Variants in KIF13A observed in about 807,000 individuals in gnomAD.
The protein encoded by KIF13A is kinesin-like protein KIF13A.
A neutral mutation model predicts 212.2 loss-of-function variants in KIF13A; 79 were observed. That is an observed-to-expected ratio of 0.37 (90% CI 0.31 to 0.45). The LOEUF is 0.45. Among genes scored for constraint, KIF13A ranks in the 20% least tolerant of loss-of-function variants. The pLI is 1.00. For synonymous variants in KIF13A, 789 were observed against 808.6 expected, an observed-to-expected ratio of 0.98 and a Z score of 0.41; for missense variants, 1,901 against 2,209.0, an observed-to-expected ratio of 0.86 and a Z score of 2.79.
At chr6:17,879,433 C>CA (rs1770862122) in intron 3 of KIF13A, among the ~76,000 whole-genome samples, 1 of 152,150 alleles carries the variant, frequency 6.6e-6, no homozygotes, top group Non-Finnish European at 1.5e-5. Flanking sequence ...AGCAGAGGTT[C>CA]AAGCTGCAGG....
chr6:17,839,258 T>C lies in KIF13A; in HGVS notation c.831-1675A>G, dbSNP rs1766279145. ...TACCCCATACATTTATCCACAAAAA[T>C]GTACATCATACTTGACAGATTTAAA... On this transcript the variant is annotated intron_variant, in intron 9 of 38. Transcript: ENST00000259711. This position sits in a 1 kb window ranked among gnomAD's most constrained non-coding sequence, Gnocchi z 4.3. Among the ~76,000 whole-genome samples the C allele has an allele frequency of 6.6e-6, 1 of 152,240 alleles. No individual in the cohort carries two copies. Among genetic ancestry groups the C allele is most frequent in the African/African-American group, 2.4e-5 (1 of 41,462 alleles).
intron 17 of KIF13A, among the ~76,000 whole-genome samples, chr6:17,815,182 A>C (rs1763812468): frequency 6.6e-6 from 1 of 152,210 alleles, no homozygotes; most frequent in Admixed American, 6.5e-5. Flanking sequence ...ATGTATTTCA[A>C]AGACTTTAAG....
chr6:17,874,999 G>GCGCGCGCACACACACACACACACA (rs913365480), intron 3 of KIF13A, among the ~76,000 whole-genome samples: 1 of 120,266 alleles, frequency 8.3e-6, no homozygotes, highest in African/African-American at 3.1e-5. Context: ...ACACGCACAC[G>GCGCGCGCACACACACACACACACA]CACGCACACA....
Position 17,794,820 on chromosome 6 carries a change from C to A in KIF13A, c.2943-116G>T. 9.2e-7 allele frequency: 1 copy of A among 1,086,280 alleles called. No homozygotes were observed. Among genetic ancestry groups the A allele is most frequent in the Non-Finnish European group, 1.3e-6 (1 of 770,214 alleles). 67.3% of individuals were successfully genotyped at this position (1,086,280 alleles called of 1,614,324 possible). On this transcript the variant is annotated intron_variant, in intron 23 of 38. Coordinates refer to ENST00000259711, the MANE Select transcript of KIF13A (RefSeq NM_022113.6). The surrounding 1 kb of genome is among the most constrained non-coding windows in gnomAD (Gnocchi z 4.1). ...ATGTGCTAGGCACTGTGCCATTTAT[C>A]TTGTATAAGTTACTTCCTTATTTAA...
At chr6:17,976,413 C>T (rs940693432) in intron 2 of KIF13A, among the ~76,000 whole-genome samples, 11 of 152,322 alleles carry the variant, frequency 7.2e-5, no homozygotes, top group East Asian at 1.9e-4. Flanking sequence ...GTACACCCTC[C>T]GCAGCCGCTG....
intron 17 of KIF13A, among the ~76,000 whole-genome samples, chr6:17,815,308 C>T (rs990978805): frequency 7.7e-5 from 9 of 116,324 alleles, no homozygotes; most frequent in Non-Finnish European, 1.7e-4. Context: ...GGAGACAGGC[C>T]TCTGGATGGC....
intron 2 of KIF13A, among the ~76,000 whole-genome samples, chr6:17,943,119 T>C (rs1777092684): frequency 6.6e-6 from 1 of 152,228 alleles, no homozygotes. Context: ...CTGCAATCTT[T>C]AGACTGACAC....
At chr6:17,933,808 C>G (rs1394191272) in intron 2 of KIF13A, among the ~76,000 whole-genome samples, 1 of 152,104 alleles carries the variant, frequency 6.6e-6, no homozygotes. Context: ...ATTAGAAATG[C>G]CTTTCTTCTA....
chr6:17,922,603 A>C (rs1314904159), intron 2 of KIF13A, among the ~76,000 whole-genome samples: 1 of 67,102 alleles, frequency 1.5e-5, no homozygotes, highest in African/African-American at 6.6e-5. Flanking sequence ...GTTAAATGAA[A>C]AACTTAAAAA....
chr6:17,907,909 G>C (rs1773668210), intron 2 of KIF13A, among the ~76,000 whole-genome samples: 1 of 152,152 alleles, frequency 6.6e-6, no homozygotes. Flanking sequence ...GACATGGCCA[G>C]ATCTGTTTTA....
In KIF13A at chr6:17,857,486, C is replaced by T. The variant is rs574785409; in HGVS notation, c.221-1364G>A. Among the ~76,000 whole-genome samples the T allele has an allele frequency of 1.7e-4, 26 of 152,304 alleles. No homozygotes were observed. The South Asian group carries it at 3.9e-3, about 23-fold the overall frequency. On this transcript the variant is annotated intron_variant, in intron 4 of 38. Transcript: ENST00000259711. ...TGCCTTCCTTCCCCTTCACCTTCCACCATGATTCTAAGTTTCCCGAGGCCT... is the reference window on the plus strand; with the variant it reads ...TGCCTTCCTTCCCCTTCACCTTCCATCATGATTCTAAGTTTCCCGAGGCCT...
chr6:17,985,106 T>C (rs893259334), intron 2 of KIF13A, among the ~76,000 whole-genome samples: 3 of 152,258 alleles, frequency 2.0e-5, no homozygotes, highest in African/African-American at 7.2e-5. Context: ...TCAGTTTGTC[T>C]GTAAATGAAA....
rs1407229765 is a variant in KIF13A, at chr6:17,771,499, A to G, written c.4477-281T>C. ...CCCAGTGCCTTGGGAGGCTGGGGCA[A>G]AAGAATCACTTGAGGCCAGGAGTTT... is the stretch of plus-strand genomic sequence containing the variant. On this transcript the variant is annotated intron_variant, in intron 37 of 38. Coordinates refer to ENST00000259711, the MANE Select transcript of KIF13A (RefSeq NM_022113.6). The surrounding 1 kb of genome is among the most constrained non-coding windows in gnomAD (Gnocchi z 5.4). The G allele has an allele frequency of 9.5e-6, 4 of 422,406 alleles. No individual in the cohort carries two copies. Among genetic ancestry groups the G allele is most frequent in the Non-Finnish European group, 1.7e-5 (4 of 237,202 alleles). 26.2% of individuals were successfully genotyped at this position (422,406 alleles called of 1,614,324 possible).
Position 17,849,519 on chromosome 6 carries a change from A to G in KIF13A, c.718-30T>C. 1.3e-6 allele frequency: 2 copies of G among 1,535,422 alleles called. No homozygotes were observed. Among genetic ancestry groups the G allele is most frequent in the Non-Finnish European group, 1.8e-6 (2 of 1,114,364 alleles). On this transcript the variant is annotated intron_variant, in intron 8 of 38. Coordinates refer to ENST00000259711, the MANE Select transcript of KIF13A (RefSeq NM_022113.6). This position sits in a 1 kb window ranked among gnomAD's most constrained non-coding sequence, Gnocchi z 5.7. ...TTATAGGAAACGAGAGAGAGAAGAA[A>G]AACTTATCAATAAAAACCACATGGA...
At chr6:17,814,309 C>T (rs1337871725) in intron 17 of KIF13A, among the ~76,000 whole-genome samples, 1 of 138,118 alleles carries the variant, frequency 7.2e-6, no homozygotes, top group South Asian at 2.4e-4. Context: ...AGTGCAGTGG[C>T]GTGATCTCAG....
chr6:17,767,211 A>G (rs1489253871), intron 38 of KIF13A, among the ~76,000 whole-genome samples: 2 of 151,914 alleles, frequency 1.3e-5, no homozygotes, highest in Admixed American at 6.6e-5. Context: ...GCCTTTGCCT[A>G]TATTTTCTAG....
Position 17,794,485 on chromosome 6 carries a change from A to G in KIF13A, c.3075+87T>C. 6.4e-7 allele frequency: 1 copy of G among 1,559,140 alleles called. No individual in the cohort carries two copies. The highest frequency in any genetic ancestry group is 1.2e-5 in the South Asian group (1 of 83,818). ...GGGAAAAGGATTAGAGAATAAAGAT[A>G]CAAATAGTTAGAAAATCCCCAGAAA... On this transcript the variant is annotated intron_variant, in intron 24 of 38. Coordinates refer to ENST00000259711, the MANE Select transcript of KIF13A (RefSeq NM_022113.6). This position sits in a 1 kb window ranked among gnomAD's most constrained non-coding sequence, Gnocchi z 4.1.
chr6:17,929,590 C>T (rs528955954), intron 2 of KIF13A, among the ~76,000 whole-genome samples: 12 of 152,092 alleles, frequency 7.9e-5, no homozygotes, highest in East Asian at 1.9e-4. Context: ...TTAGTAGAGA[C>T]GGGGTTTCAC....
chr6:17,922,293 C>G (rs1314193545), intron 2 of KIF13A, among the ~76,000 whole-genome samples: 2 of 152,120 alleles, frequency 1.3e-5, no homozygotes, highest in Non-Finnish European at 2.9e-5. Flanking sequence ...TTCCCAACCC[C>G]CAACTCAAGG....
Sources: allele counts gnomAD v4.1 joint callset (sites outside exome capture counted in the v4.1 genomes callset), GRCh38; gene constraint gnomAD v4.1.1; non-coding constraint Gnocchi (gnomAD v3.1); transcripts MANE v1.5; gene names NCBI Gene and HGNC (gene_info 2026-07-23, HGNC 2026-07-21).